FRYL: variants seen among roughly 807,000 people sequenced by gnomAD.
The protein encoded by FRYL is protein furry homolog-like.
A neutral mutation model predicts 351.2 loss-of-function variants in FRYL; 150 were observed. That is an observed-to-expected ratio of 0.43 (90% confidence interval 0.37 to 0.49). The LOEUF (loss-of-function observed/expected upper bound fraction) is 0.49. Among genes scored for constraint, FRYL ranks in the 20% least tolerant of loss-of-function variants. The pLI, the probability that FRYL is intolerant of heterozygous loss-of-function variation, is 0.00. For missense variants in FRYL, 3,036 were observed against 3,619.3 expected (o/e 0.84, Z 4.13); for synonymous variants, 1,153 against 1,257.1 (o/e 0.92, Z 1.75).
At chr4:48,620,196 A>G (rs1750373705) in intron 6 of FRYL, among the ~76,000 whole-genome samples, 1 of 152,212 alleles carries the variant, frequency 6.6e-6, no homozygotes, top group African/African-American at 2.4e-5. Context: ...AGAAGAAAAC[A>G]AGTTCTAGGA....
At chr4:48,519,459 A>G (rs1456484934) in intron 55 of FRYL, among the ~76,000 whole-genome samples, 1 of 140,268 alleles carries the variant, frequency 7.1e-6, no homozygotes, top group Non-Finnish European at 1.6e-5. Flanking sequence ...CCTTGAACCT[A>G]TTATTGAATT....
intron 60 of FRYL, among the ~76,000 whole-genome samples, chr4:48,504,464 A>G (rs1387463671): frequency 2.0e-5 from 3 of 152,166 alleles, no homozygotes; most frequent in Non-Finnish European, 4.4e-5. Context: ...AAAAGGTTAC[A>G]TTACTTGCCG....
chr4:48,563,500 G>A (rs1723393236), intron 31 of FRYL, among the ~76,000 whole-genome samples: 2 of 151,994 alleles, frequency 1.3e-5, no homozygotes, highest in African/African-American at 4.8e-5. Flanking sequence ...GAGGCCAGGA[G>A]TTCAAGACCA....
chr4:48,634,426 T>TC lies in FRYL; in HGVS notation c.-17dup, dbSNP rs1753832400. On this transcript the variant is annotated 5_prime_UTR_variant, in exon 4 of 64. Coordinates refer to ENST00000358350, the MANE Select transcript of FRYL (RefSeq NM_015030.2). Reference sequence around the variant, plus strand: ...TGTTTGACATGATGATATTTTTTTTTCCCCAAGTGGAATGAAAGTTGGAAG... The same window carrying TC: ...TGTTTGACATGATGATATTTTTTTTTCCCCCAAGTGGAATGAAAGTTGGAAG... 1 of 1,612,976 alleles carries TC rather than the reference T, an allele frequency of 6.2e-7. No individual in the cohort carries two copies. Among genetic ancestry groups the TC allele is most frequent in the Non-Finnish European group, 8.5e-7 (1 of 1,179,218 alleles).
At position 48,659,470 on chromosome 4, in the gene FRYL, G is replaced by A. The variant is rs1412690606; in HGVS notation, c.-80-24980C>T. ...AGAGGAAGAGGGAGAAGAGGAAGAG[G>A]GAGAAGAGGAAGAGGGAGAAGAAGA... On this transcript the variant is annotated intron_variant, in intron 3 of 63. Coordinates refer to ENST00000358350, the MANE Select transcript of FRYL (RefSeq NM_015030.2). Among the ~76,000 whole-genome samples, 24 of 6,426 alleles carry A rather than the reference G, an allele frequency of 3.7e-3. 11 individuals are homozygous for A. The highest frequency in any genetic ancestry group is 0.011 in the Non-Finnish European group (15 of 1,334). The allele number at this position is 6,426 out of a possible 152,430, so 4.2% of individuals were successfully genotyped here.
chr4:48,687,363 C>A (rs1258049822), intron 2 of FRYL, among the ~76,000 whole-genome samples: 2 of 151,888 alleles, frequency 1.3e-5, no homozygotes, highest in Non-Finnish European at 2.9e-5. Flanking sequence ...AACAGCCCAA[C>A]AGCACAAGCT....
chr4:48,683,041 G>A (rs762645937), intron 3 of FRYL, among the ~76,000 whole-genome samples: 34 of 152,054 alleles, frequency 2.2e-4, no homozygotes, highest in Non-Finnish European at 2.1e-4. Context: ...ATGATAAACT[G>A]GAGAAAAGAA....
intron 2 of FRYL, among the ~76,000 whole-genome samples, chr4:48,696,855 T>G (rs1766226914): frequency 6.8e-6 from 1 of 145,996 alleles, no homozygotes; most frequent in Non-Finnish European, 1.5e-5. Flanking sequence ...GATCTATCTA[T>G]CTATCTATCT....
chr4:48,579,494 T>G (rs570329075), intron 22 of FRYL, among the ~76,000 whole-genome samples: 5 of 152,236 alleles, frequency 3.3e-5, no homozygotes, highest in African/African-American at 1.2e-4. Context: ...ACCAAAGAAG[T>G]TCAGGACCAC....
chr4:48,754,107 C>T (rs1289579751), intron 1 of FRYL, among the ~76,000 whole-genome samples: 1 of 152,148 alleles, frequency 6.6e-6, no homozygotes, highest in Non-Finnish European at 1.5e-5. Context: ...TATTTTACAA[C>T]CAACACCTCT....
chr4:48,667,692 G>C (rs1761972569), intron 3 of FRYL, among the ~76,000 whole-genome samples: 1 of 152,030 alleles, frequency 6.6e-6, no homozygotes, highest in African/African-American at 2.4e-5. Flanking sequence ...CTGTCTCCCA[G>C]ACTGGAGTGC....
chr4:48,768,423 T>A (rs1395912560), intron 1 of FRYL, among the ~76,000 whole-genome samples: 1 of 152,200 alleles, frequency 6.6e-6, no homozygotes, highest in Non-Finnish European at 1.5e-5. Context: ...AAGTGATTAT[T>A]TTGTAAAACA....
At chr4:48,695,250 A>C (rs1766043875) in intron 2 of FRYL, among the ~76,000 whole-genome samples, 1 of 152,178 alleles carries the variant, frequency 6.6e-6, no homozygotes, top group South Asian at 2.1e-4. Context: ...GTGATCCTCT[A>C]AAGGGTACAT....
At chr4:48,531,903 G>A (rs1249013950) in intron 49 of FRYL, among the ~76,000 whole-genome samples, 3 of 152,010 alleles carry the variant, frequency 2.0e-5, no homozygotes, top group Non-Finnish European at 4.4e-5. Context: ...GGATTACTGA[G>A]TTGTGTAGGG....
intron 1 of FRYL, among the ~76,000 whole-genome samples, chr4:48,751,073 G>A (rs1773207964): frequency 6.6e-6 from 1 of 152,136 alleles, no homozygotes; most frequent in African/African-American, 2.4e-5. Context: ...GCAAAAGAAA[G>A]AGAAGAATTA....
At chr4:48,609,639 A>G (rs1747646866) in intron 8 of FRYL, 105 bp downstream of exon 8, 2 of 522,572 alleles carry the variant, frequency 3.8e-6, no homozygotes, top group South Asian at 3.4e-5. Flanking sequence ...AAAAAGGAAG[A>G]TAAGAATTGC....
intron 1 of FRYL, among the ~76,000 whole-genome samples, chr4:48,754,565 T>C (rs1326485971): frequency 6.6e-6 from 1 of 152,194 alleles, no homozygotes; most frequent in Non-Finnish European, 1.5e-5. Flanking sequence ...CCCAACTGTC[T>C]TCCACAGCAT....
At position 48,757,174 on chromosome 4, in the gene FRYL, T is replaced by C. The variant is rs573794238; in HGVS notation, c.-384+22904A>G. Among the ~76,000 whole-genome samples the C allele has an allele frequency of 1.2e-4, 19 of 152,320 alleles. No homozygotes were observed. The South Asian group carries it at 3.9e-3, about 32-fold the overall frequency. ...AAAGAAACAGGCTGCTGCATTCCCTTTGAAAACTGGCACAAGACAAGGATG... is the reference window on the plus strand; with the variant it reads ...AAAGAAACAGGCTGCTGCATTCCCTCTGAAAACTGGCACAAGACAAGGATG... On this transcript the variant is annotated intron_variant, in intron 1 of 63. Coordinates refer to ENST00000358350, the MANE Select transcript of FRYL (RefSeq NM_015030.2).
chr4:48,704,399 G>A (rs1335775931), intron 2 of FRYL, among the ~76,000 whole-genome samples: 1 of 152,144 alleles, frequency 6.6e-6, no homozygotes, highest in African/African-American at 2.4e-5. Flanking sequence ...AACATATTCT[G>A]CTGGCAAGGT....
Sources: gnomAD v4.1 joint callset for allele counts (sites outside exome capture counted in the v4.1 genomes callset) on GRCh38, gnomAD v4.1.1 for gene constraint, MANE v1.5 for transcripts, NCBI Gene and HGNC (gene_info 2026-07-23, HGNC 2026-07-21) for gene names.